AFG2A: variants seen among roughly 807,000 people sequenced by gnomAD.
AFG2A encodes AAA ATPase AFG2A, also known as ATPase family gene 2 protein homolog A.
At chr4:123,102,217 C>T in the AFG2A span, 2 of 146,558 alleles carry the variant, frequency 1.4e-5, no homozygotes, top group Non-Finnish European at 3.0e-5. Flanking sequence ...GTTACTGTAA[C>T]GTTTATTTCT....
At chr4:123,235,188 T>C in the AFG2A span, among the ~76,000 whole-genome samples, 1 of 152,264 alleles carries the variant, frequency 6.6e-6, no homozygotes, top group East Asian at 1.9e-4. Flanking sequence ...GATCTCTAAA[T>C]ATGCATGCAC....
the AFG2A span, among the ~76,000 whole-genome samples, chr4:122,982,093 A>G: frequency 6.6e-6 from 1 of 152,088 alleles, no homozygotes. Context: ...CTTAGAGGAA[A>G]AGTTTTTAGC....
the AFG2A span, among the ~76,000 whole-genome samples, chr4:123,164,471 C>A: frequency 6.6e-6 from 1 of 152,320 alleles, no homozygotes; most frequent in Non-Finnish European, 1.5e-5. Flanking sequence ...TCAAGTGATT[C>A]TCCTGCCTCA....
the AFG2A span, among the ~76,000 whole-genome samples, chr4:122,935,517 A>G: frequency 6.6e-6 from 1 of 151,544 alleles, no homozygotes; most frequent in Non-Finnish European, 1.5e-5. Flanking sequence ...TCTGTGGTCT[A>G]CAGAGAGAGA....
the AFG2A span, among the ~76,000 whole-genome samples, chr4:123,209,997 C>T: frequency 6.6e-6 from 1 of 152,138 alleles, no homozygotes; most frequent in African/African-American, 2.4e-5. Flanking sequence ...GACTTTGGTT[C>T]CGTCAGCATG....
the AFG2A span, among the ~76,000 whole-genome samples, chr4:122,973,101 A>G: frequency 6.6e-6 from 1 of 152,068 alleles, no homozygotes; most frequent in African/African-American, 2.4e-5. Context: ...GGCATGTATT[A>G]ATTTAGAATT....
At chr4:123,050,357 A>AT in the AFG2A span, among the ~76,000 whole-genome samples, 24,805 of 151,882 alleles carry the variant, frequency 0.16, 2,465 homozygotes, top group East Asian at 0.45. Flanking sequence ...TTGTTTGTTG[A>AT]TTTTTTGCCT....
At chr4:123,068,889 A>G in the AFG2A span, among the ~76,000 whole-genome samples, 1 of 152,182 alleles carries the variant, frequency 6.6e-6, no homozygotes, top group Non-Finnish European at 1.5e-5. Flanking sequence ...ACATAATTTT[A>G]TCTCCTGCAT....
the AFG2A span, among the ~76,000 whole-genome samples, chr4:123,015,902 CA>C: frequency 1.4e-4 from 7 of 49,310 alleles, no homozygotes; most frequent in African/African-American, 2.3e-4. Context: ...GCTGGCCGGG[CA>C]GAGGGGCTCC....
the AFG2A span, among the ~76,000 whole-genome samples, chr4:123,224,735 A>G: frequency 2.0e-5 from 3 of 152,120 alleles, no homozygotes; most frequent in African/African-American, 4.8e-5. Context: ...CAGTAATGGG[A>G]TGGCTGGGTC....
the AFG2A span, chr4:122,933,997 T>G: frequency 7.6e-7 from 1 of 1,313,616 alleles, no homozygotes; most frequent in Non-Finnish European, 1.0e-6. Flanking sequence ...CTGTCTTTGA[T>G]TTAGTCTTTT....
chr4:123,258,698 A>G, the AFG2A span, among the ~76,000 whole-genome samples: 1 of 152,020 alleles, frequency 6.6e-6, no homozygotes. Flanking sequence ...AGTGTATACT[A>G]TTAGCTATAT....
chr4:123,220,597 G>A, the AFG2A span, among the ~76,000 whole-genome samples: 10,264 of 115,662 alleles, frequency 0.089, 1,326 homozygotes, highest in African/African-American at 0.31. Context: ...CTAGGCAACA[G>A]AGCAAGACTC....
the AFG2A span, chr4:123,319,331 G>A: frequency 6.6e-6 from 1 of 152,248 alleles, no homozygotes; most frequent in Non-Finnish European, 1.5e-5. Context: ...TTAGAGTCTT[G>A]GCTTATTGTG....
chr4:123,139,160 A>G, the AFG2A span, among the ~76,000 whole-genome samples: 2 of 152,166 alleles, frequency 1.3e-5, no homozygotes, highest in South Asian at 4.1e-4. Flanking sequence ...TATGAAACAA[A>G]TTATTTCCAA....
At chr4:123,114,559 G>A in the AFG2A span, among the ~76,000 whole-genome samples, 1 of 152,148 alleles carries the variant, frequency 6.6e-6, no homozygotes, top group Admixed American at 6.5e-5. Flanking sequence ...CCACAACAAC[G>A]CTGGGACCAG....
chr4:123,290,515 A>C, the AFG2A span, among the ~76,000 whole-genome samples: 1 of 152,270 alleles, frequency 6.6e-6, no homozygotes, highest in African/African-American at 2.4e-5. Context: ...GTATTAGTCC[A>C]TTTTCACACT....
the AFG2A span, among the ~76,000 whole-genome samples, chr4:122,996,570 C>CAGAGAGATAGAT: frequency 7.2e-6 from 1 of 139,642 alleles, no homozygotes; most frequent in East Asian, 2.2e-4. Context: ...GGTAGGTAGG[C>CAGAGAGATAGAT]AGATAGATAG....
At chr4:122,952,610 T>G in the AFG2A span, among the ~76,000 whole-genome samples, 1 of 152,228 alleles carries the variant, frequency 6.6e-6, no homozygotes, top group Non-Finnish European at 1.5e-5. Flanking sequence ...TCATCCTGTT[T>G]GCCAGATGAG....
Sources: allele counts gnomAD v4.1 joint callset (sites outside exome capture counted in the v4.1 genomes callset), GRCh38; gene constraint gnomAD v4.1.1; transcripts MANE v1.5; gene names NCBI Gene and HGNC (gene_info 2026-07-23, HGNC 2026-07-21).